The following SMOC2 variants were observed in gnomAD, a reference collection of about 807,000 sequenced individuals.
SMOC2 encodes SPARC related modular calcium binding 2, also known as SPARC-related modular calcium-binding protein 2.
In SMOC2, 39 loss-of-function variants were observed where a neutral mutation model predicts 61.4. The observed-to-expected ratio is 0.64, with a 90% confidence interval of 0.49 to 0.83. The LOEUF (loss-of-function observed/expected upper bound fraction) is 0.83, where lower values mean the gene tolerates loss of function less well. SMOC2 is among the 40% of genes least tolerant of loss of function. The pLI, the probability that SMOC2 is intolerant of heterozygous loss-of-function variation, is 0.00. For synonymous variants in SMOC2, 247 were observed against 239.9 expected (o/e 1.03, Z -0.27); for missense variants, 556 against 592.9 (o/e 0.94, Z 0.65).
chr6:168,598,890 T>C lies in SMOC2; in HGVS notation c.710T>C (p.Ile237Thr). Residue 237 changes from isoleucine to threonine, a missense_variant, in exon 8 of 13, where the codon ATC becomes ACC. Coordinates refer to ENST00000356284, the MANE Select transcript of SMOC2 (RefSeq NM_001166412.2). ...AKQPKNDNVV[I>T]PECAHGGLYK... Reference sequence around the variant, plus strand: ...CAGCCCAAGAACGACAATGTGGTGATCCCTGAGTGTGCGCACGGCGGCCTC... The same window carrying C: ...CAGCCCAAGAACGACAATGTGGTGACCCCTGAGTGTGCGCACGGCGGCCTC... 1 of 1,613,822 alleles carries C rather than the reference T, an allele frequency of 6.2e-7. No individual in the cohort carries two copies. The highest frequency in any genetic ancestry group is 8.5e-7 in the Non-Finnish European group (1 of 1,179,844).
At chr6:168,465,645 C>T (rs961644277) in intron 1 of SMOC2, among the ~76,000 whole-genome samples, 17 of 151,988 alleles carry the variant, frequency 1.1e-4, no homozygotes, top group African/African-American at 3.6e-4. Flanking sequence ...AATAGGGAAT[C>T]AGATGAAACT....
At chr6:168,615,042 T>TCTACAGCCAGCACAGGGCCTCTTCATAC (rs1786028011) in intron 9 of SMOC2, among the ~76,000 whole-genome samples, 6 of 31,200 alleles carry the variant, frequency 1.9e-4, no homozygotes, top group Admixed American at 7.6e-4. Context: ...CCTCTTCACA[T>TCTACAGCCAGCACAGGGCCTCTTCATAC]CTACAGCCAG....
chr6:168,563,808 A>G (rs1784479963), intron 7 of SMOC2, among the ~76,000 whole-genome samples: 1 of 152,128 alleles, frequency 6.6e-6, no homozygotes, highest in African/African-American at 2.4e-5. Flanking sequence ...TTGATAAGCC[A>G]CGGAGCACAG....
At chr6:168,663,985 G>C in intron 11 of SMOC2, 89 bp from the exon 12 acceptor site, 2 of 1,086,346 alleles carry the variant, frequency 1.8e-6, no homozygotes, top group Non-Finnish European at 2.7e-6. Flanking sequence ...TTCCTAAAGT[G>C]ATGTGGACTC....
intron 11 of SMOC2, chr6:168,655,427 C>T (rs893673400): frequency 4.4e-6 from 2 of 456,480 alleles, no homozygotes; most frequent in South Asian, 1.5e-5. Context: ...GGCCAGAGCC[C>T]AGATGTTCTT....
At chr6:168,474,486 G>T (rs1343753750) in intron 1 of SMOC2, among the ~76,000 whole-genome samples, 1 of 152,104 alleles carries the variant, frequency 6.6e-6, no homozygotes, top group Non-Finnish European at 1.5e-5. Context: ...TGCTGGTGTG[G>T]TCTGGCCGCT....
chr6:168,504,859 A>C (rs1782825176), intron 1 of SMOC2, among the ~76,000 whole-genome samples: 1 of 152,204 alleles, frequency 6.6e-6, no homozygotes, highest in Non-Finnish European at 1.5e-5. Context: ...CATTCAGTTT[A>C]AGCTGGGTCT....
chr6:168,525,786 G>A (rs1192311169), intron 2 of SMOC2, among the ~76,000 whole-genome samples: 1 of 152,200 alleles, frequency 6.6e-6, no homozygotes, highest in Non-Finnish European at 1.5e-5. Context: ...CTCCTCTCAG[G>A]CTGGTCTCAG....
chr6:168,506,441 A>G (rs896315912), intron 1 of SMOC2, among the ~76,000 whole-genome samples: 1 of 152,212 alleles, frequency 6.6e-6, no homozygotes, highest in Non-Finnish European at 1.5e-5. Flanking sequence ...TTTAATCAAT[A>G]TTATAAGGAG....
chr6:168,564,445 GTTGT>G (rs1784498555), intron 7 of SMOC2, among the ~76,000 whole-genome samples: 1 of 152,130 alleles, frequency 6.6e-6, no homozygotes, highest in South Asian at 2.1e-4. Context: ...CTTGCAGTAG[GTTGT>G]TTGTCTTTAA....
At chr6:168,558,033 G>T (rs1241295239) in intron 7 of SMOC2, among the ~76,000 whole-genome samples, 1 of 152,174 alleles carries the variant, frequency 6.6e-6, no homozygotes, top group Non-Finnish European at 1.5e-5. Context: ...TGTGGGAGAG[G>T]CCCCGTGGCA....
chr6:168,456,138 G>A (rs1033646553), intron 1 of SMOC2, among the ~76,000 whole-genome samples: 2 of 152,250 alleles, frequency 1.3e-5, no homozygotes, highest in Admixed American at 6.5e-5. Context: ...GTGGGCCGAC[G>A]TCTCTTGCCT....
intron 1 of SMOC2, among the ~76,000 whole-genome samples, chr6:168,466,684 C>T (rs937820555): frequency 1.3e-5 from 2 of 152,238 alleles, no homozygotes; most frequent in Admixed American, 1.3e-4. Flanking sequence ...TCCCAGAGGA[C>T]GAATTCTTCA....
At chr6:168,657,513 C>G (rs561750804) in intron 11 of SMOC2, among the ~76,000 whole-genome samples, 1 of 152,338 alleles carries the variant, frequency 6.6e-6, no homozygotes, top group African/African-American at 2.4e-5. Context: ...TTTTCCCTTT[C>G]TCTGTATTCA....
In SMOC2 at chr6:168,612,379, G is replaced by T. The variant is rs55766924; in HGVS notation, c.907+4140G>T. On this transcript the variant is annotated intron_variant, in intron 9 of 12. Coordinates refer to ENST00000356284, the MANE Select transcript of SMOC2 (RefSeq NM_001166412.2). ...AACCTTTACTCAAACAGCAGCACTGGGTTCGTGATCTCCATCAGGGGAGAG... is the reference window on the plus strand; with the variant it reads ...AACCTTTACTCAAACAGCAGCACTGTGTTCGTGATCTCCATCAGGGGAGAG... Among the ~76,000 whole-genome samples, 38 of 122,160 alleles carry T rather than the reference G, an allele frequency of 3.1e-4. 5 individuals carry two copies. The highest frequency in any genetic ancestry group is 1.1e-3 in the African/African-American group (35 of 32,100). 80.1% of individuals were successfully genotyped at this position (122,160 alleles called of 152,430 possible). A position where few individuals can be genotyped will look rare whatever the true frequency, so the allele number is the denominator to read the frequency against.
intron 11 of SMOC2, chr6:168,655,468 C>T: frequency 2.2e-6 from 1 of 454,920 alleles, no homozygotes; most frequent in East Asian, 6.9e-5. Flanking sequence ...CCGGGTCTGA[C>T]TTTTCAGCTC....
chr6:168,648,881 C>T (rs1454016436), intron 9 of SMOC2, among the ~76,000 whole-genome samples: 1 of 152,202 alleles, frequency 6.6e-6, no homozygotes, highest in African/African-American at 2.4e-5. Flanking sequence ...AAAACCAGGG[C>T]GTCCCTAACT....
chr6:168,571,301 C>T (rs563042625), intron 7 of SMOC2, among the ~76,000 whole-genome samples: 1 of 152,278 alleles, frequency 6.6e-6, no homozygotes, highest in Non-Finnish European at 1.5e-5. Flanking sequence ...GTGGAAACAC[C>T]GGTGGGTGTG....
chr6:168,622,679 A>G (rs1786276304), intron 9 of SMOC2, among the ~76,000 whole-genome samples: 2 of 151,952 alleles, frequency 1.3e-5, no homozygotes, highest in Non-Finnish European at 2.9e-5. Flanking sequence ...TTGTCTTCCC[A>G]CTGCTATTTC....
Sources: allele counts gnomAD v4.1 joint callset (sites outside exome capture counted in the v4.1 genomes callset), GRCh38; gene constraint gnomAD v4.1.1; transcripts MANE v1.5; gene names NCBI Gene and HGNC (gene_info 2026-07-23, HGNC 2026-07-21).